The following SLC2A3 variants were observed in gnomAD, a reference collection of about 807,000 sequenced individuals.
SLC2A3 encodes solute carrier family 2, facilitated glucose transporter member 3.
In SLC2A3, 21 loss-of-function variants were observed where a neutral mutation model predicts 46.4. The observed-to-expected ratio is 0.45, with a 90% CI of 0.32 to 0.65. SLC2A3 has a LOEUF of 0.65. Among genes scored for constraint, SLC2A3 ranks in the 30% least tolerant of loss-of-function variants. The probability of loss-of-function intolerance (pLI) is 0.04; values close to 1 mark genes in which losing one functional copy is unlikely to be tolerated. For synonymous variants in SLC2A3, 213 were observed against 239.4 expected (o/e 0.89, Z 1.02); for missense variants, 499 against 623.3 (o/e 0.80, Z 2.12).
intron 5 of SLC2A3, 198 bp from the exon 6 acceptor site, chr12:7,930,069 T>A: frequency 1.7e-6 from 2 of 1,167,050 alleles, no homozygotes; most frequent in South Asian, 3.4e-5. Flanking sequence ...CCCTGCAACC[T>A]CCACTTCCCG....
Position 7,920,489 on chromosome 12 carries a change from A to T in SLC2A3, c.*924T>A, listed in dbSNP as rs1451202846. The T allele has an allele frequency of 6.6e-6, 1 of 152,166 alleles. No homozygotes were observed. Among genetic ancestry groups the T allele is most frequent in the African/African-American group, 2.4e-5 (1 of 41,430 alleles). 9.4% of individuals were successfully genotyped at this position (152,166 alleles called of 1,614,324 possible). A position where few individuals can be genotyped will look rare whatever the true frequency, so the allele number is the denominator to read the frequency against. ...AACTACAATGCCCATATTAGTTAAT[A>T]ATCCTAGATTTCAAGTACTACTACA... is the stretch of plus-strand genomic sequence containing the variant. On this transcript the variant is annotated 3_prime_UTR_variant, in exon 10 of 10. Coordinates refer to ENST00000075120, the MANE Select transcript of SLC2A3 (RefSeq NM_006931.3).
chr12:7,934,224 G>A (rs966559322), intron 1 of SLC2A3, among the ~76,000 whole-genome samples: 5 of 152,066 alleles, frequency 3.3e-5, no homozygotes, highest in Admixed American at 1.3e-4. Flanking sequence ...TTCCACTCAC[G>A]AACTGGGAGG....
At chr12:7,933,781 A>C in intron 2 of SLC2A3, 29 bp downstream of exon 2, 1 of 1,601,770 alleles carries the variant, frequency 6.2e-7, no homozygotes, top group South Asian at 1.1e-5. Context: ...CCCTATTCTA[A>C]ATTCTAATTA....
chr12:7,927,015 T>C (rs904434566), intron 6 of SLC2A3, among the ~76,000 whole-genome samples: 1 of 152,150 alleles, frequency 6.6e-6, no homozygotes, highest in Non-Finnish European at 1.5e-5. Context: ...TCAGTTTATT[T>C]CACCCAGAGT....
Position 7,936,074 on chromosome 12 carries a change from G to A in SLC2A3, c.-40C>T, listed in dbSNP as rs1282322960. ...TCAAGTCTTCAAGAAAGATCTAGGG[G>A]TGATTCCAGAAACAGCTTTTTCAGC... On this transcript the variant is annotated 5_prime_UTR_variant, in exon 1 of 10. Transcript: ENST00000075120. 1 of 1,586,082 alleles carries A rather than the reference G, an allele frequency of 6.3e-7. No individual in the cohort carries two copies. Among genetic ancestry groups the A allele is most frequent in the Admixed American group, 1.7e-5 (1 of 59,908 alleles).
chr12:7,921,300 G>A lies in SLC2A3; in HGVS notation c.*113C>T. The stretch of plus-strand genomic sequence containing the variant: ...CTCATGGAGTGCGTGGGATGAGAAA[G>A]GAATTAAGTAGCAGCATTCAGAAGC... On this transcript the variant is annotated 3_prime_UTR_variant, in exon 10 of 10. Coordinates refer to ENST00000075120, the MANE Select transcript of SLC2A3 (RefSeq NM_006931.3). 1.3e-6 allele frequency: 2 copies of A among 1,567,128 alleles called. No individual in the cohort carries two copies. Among genetic ancestry groups the A allele is most frequent in the Non-Finnish European group, 1.7e-6 (2 of 1,155,784 alleles).
rs138345021 is a variant in SLC2A3, at chr12:7,919,426, A to ATT, written c.*1985_*1986dup. 3.6e-3 allele frequency: 530 copies of ATT among 146,432 alleles called. 6 individuals carry two copies. Among genetic ancestry groups the ATT allele is most frequent in the African/African-American group, 0.012 (486 of 40,204 alleles). 9.1% of individuals were successfully genotyped at this position (146,432 alleles called of 1,614,324 possible). A position where few individuals can be genotyped will look rare whatever the true frequency, so the allele number is the denominator to read the frequency against. ...TAAAGCACACTTGATAGCTATGTGC[A>ATT]TTTTTTTTTTTTTGAGACGGAGTCT... is the stretch of plus-strand genomic sequence containing the variant. On this transcript the variant is annotated 3_prime_UTR_variant, in exon 10 of 10. Transcript: ENST00000075120.
In SLC2A3 at chr12:7,933,092, G is replaced by C; in HGVS notation, c.164C>G (p.Ser55Cys). 6.2e-7 allele frequency: 1 copy of C among 1,614,152 alleles called. No homozygotes were observed. The highest frequency in any genetic ancestry group is 8.5e-7 in the Non-Finnish European group (1 of 1,180,024). ...CCAGAGAGACGTGAGCAGCACCTCA[G>C]AGGGTGGGGCATTTCCCTTGTCCGT... ...TLTDKGNAPP[S>C]EVLLTSLWSL... Residue 55 changes from serine to cysteine, a missense_variant, in exon 3 of 10, where the codon TCT (serine) becomes TGT (cysteine). Transcript: ENST00000075120.
At chr12:7,928,196 G>C (rs139080950) in intron 6 of SLC2A3, among the ~76,000 whole-genome samples, 3,654 of 152,002 alleles carry the variant, frequency 0.024, 142 homozygotes, top group African/African-American at 0.082. Context: ...TCAAGAGATC[G>C]AGACCATCCT....
chr12:7,930,617 C>A lies in SLC2A3; in HGVS notation c.536G>T (p.Gly179Val). The A allele has an allele frequency of 6.2e-7, 1 of 1,613,372 alleles. No homozygotes were observed. Among genetic ancestry groups the A allele is most frequent in the African/African-American group, 1.3e-5 (1 of 74,906 alleles). The change falls in exon 5 of 10, where the codon GGG (glycine) becomes GTG (valine). Residue 179 changes from glycine to valine, a missense_variant. Gly to Val is a moderately radical substitution (Grantham distance 109, BLOSUM62 -3). This residue lies in a region of SLC2A3 where 248 missense variants were observed against 284.0 expected (regional missense o/e 0.87). Coordinates refer to ENST00000075120, the MANE Select transcript of SLC2A3 (RefSeq NM_006931.3). ...TAGCAGCGGCCATAGCTCTTCAGAC[C>A]CAAGGATGAATTCCAGACCAAAGAT... ...AQIFGLEFIL[G>V]SEELWPLLLG...
At position 7,924,280 on chromosome 12, in the gene SLC2A3, G is replaced by A. The variant is rs771903661; in HGVS notation, c.1068+130C>T. On this transcript the variant is annotated intron_variant, in intron 8 of 9. Coordinates refer to ENST00000075120, the MANE Select transcript of SLC2A3 (RefSeq NM_006931.3). ...GACGACCCATGTTTCTTAAACTCTG[G>A]GCATCCTGCTTCTCTCCTCTGACTT... 254 of 1,511,242 alleles carry A rather than the reference G, an allele frequency of 1.7e-4. 2 individuals carry two copies. The African/African-American group carries it at 3.2e-3, about 19-fold the overall frequency. 93.6% of individuals were successfully genotyped at this position (1,511,242 alleles called of 1,614,324 possible). A position where few individuals can be genotyped will look rare whatever the true frequency, so the allele number is the denominator to read the frequency against.
At chr12:7,930,273 A>G (rs1372258280) in intron 5 of SLC2A3, 3 of 580,520 alleles carry the variant, frequency 5.2e-6, no homozygotes, top group Non-Finnish European at 8.7e-6. Flanking sequence ...GAGCCATCAC[A>G]CCCTGCCTGA....
chr12:7,923,085 T>TACA, intron 8 of SLC2A3, 61 bp from the exon 9 acceptor site: 2 of 1,495,138 alleles, frequency 1.3e-6, no homozygotes, highest in Non-Finnish European at 1.8e-6. Flanking sequence ...GTATCTAGGT[T>TACA]CCCAGAAGCA....
At chr12:7,933,437 A>G in intron 2 of SLC2A3, 2 of 501,636 alleles carry the variant, frequency 4.0e-6, no homozygotes, top group Middle Eastern at 5.5e-4. Flanking sequence ...CAGGATGTGC[A>G]TCACTATGAG....
chr12:7,922,861 G>A lies in SLC2A3; in HGVS notation c.1232C>T (p.Thr411Ile). 6.2e-7 allele frequency: 1 copy of A among 1,614,056 alleles called. No individual in the cohort carries two copies. ...GAGCAATCCGACTAGGAAGTTGGAG[G>A]TCCAGTTGGAGCAGCCGGCCACTGC... Reference protein sequence around the residue: ...AMAVAGCSNWTSNFLVGLLFP... With the variant: ...AMAVAGCSNWISNFLVGLLFP... The change falls in exon 9 of 10, where the codon ACC becomes ATC. Residue 411 changes from threonine (T) to isoleucine (I), a missense_variant. By Grantham distance (89) the Thr-to-Ile change is moderately conservative. This residue lies in a region of SLC2A3 where 179 missense variants were observed against 205.1 expected (regional missense o/e 0.87). Transcript: ENST00000075120.
At chr12:7,930,945 C>A (rs2541280) in intron 4 of SLC2A3, among the ~76,000 whole-genome samples, 17 of 151,526 alleles carry the variant, frequency 1.1e-4, no homozygotes, top group Non-Finnish European at 2.2e-4. Flanking sequence ...TACAGGTGCC[C>A]GCTACCACGC....
At position 7,922,437 on chromosome 12, in the gene SLC2A3, A is replaced by G. The variant is rs190104798; in HGVS notation, c.1272+384T>C. ...TATTTTTAGACTACAGGTAACTGAAACTGAAGAAGAGGAGGGACTGCTGTA... is the reference window on the plus strand; with the variant it reads ...TATTTTTAGACTACAGGTAACTGAAGCTGAAGAAGAGGAGGGACTGCTGTA... On this transcript the variant is annotated intron_variant, in intron 9 of 9. Coordinates refer to ENST00000075120, the MANE Select transcript of SLC2A3 (RefSeq NM_006931.3). 2.0e-3 allele frequency among the ~76,000 whole-genome samples: 302 copies of G among 151,796 alleles called. 1 individual carries two copies. Among genetic ancestry groups the G allele is most frequent in the South Asian group, 0.017 (81 of 4,764 alleles).
intron 8 of SLC2A3, chr12:7,923,299 G>A (rs1166698928): frequency 5.9e-6 from 2 of 338,068 alleles, no homozygotes; most frequent in African/African-American, 2.1e-5. Context: ...CTCTCAAATC[G>A]CTTGGACTTG....
rs773379559 is a variant in SLC2A3, at chr12:7,922,011, C to T, written c.1273-380G>A. Among the ~76,000 whole-genome samples the T allele has an allele frequency of 5.9e-5, 9 of 151,492 alleles. No homozygotes were observed. In the East Asian group the frequency reaches 1.6e-3, roughly 26 times the overall value. On this transcript the variant is annotated intron_variant, in intron 9 of 9. Coordinates refer to ENST00000075120, the MANE Select transcript of SLC2A3 (RefSeq NM_006931.3). ...AGTTTGAGACTAACCTGGGCAACTC[C>T]ATCTCTATTTATGAATTTTTTTTTT... is the stretch of plus-strand genomic sequence containing the variant.
Sources: allele counts gnomAD v4.1 joint callset (sites outside exome capture counted in the v4.1 genomes callset), GRCh38; gene constraint gnomAD v4.1.1; regional missense constraint gnomAD v4.1.1; transcripts MANE v1.5; gene names NCBI Gene and HGNC (gene_info 2026-07-23, HGNC 2026-07-21).